ZNF804B: variants seen among roughly 807,000 people sequenced by gnomAD.
The protein encoded by ZNF804B is zinc finger 804B.
ZNF804B carries 80 observed loss-of-function variants against 101.4 expected under a neutral mutation model. The ratio of observed to expected loss-of-function variants is 0.79; its 90% CI spans 0.66 to 0.95. The LOEUF is 0.95. Ranked by LOEUF, ZNF804B falls within the 40% of genes least tolerant of loss-of-function variation. The pLI, the probability that ZNF804B is intolerant of heterozygous loss-of-function variation, is 0.00. For synonymous variants in ZNF804B, 622 were observed against 558.8 expected (o/e 1.11, Z -1.59); for missense variants, 1,673 against 1,561.9 (o/e 1.07, Z -1.20).
At chr7:89,257,501 A>G (rs1409236335) in intron 2 of ZNF804B, among the ~76,000 whole-genome samples, 1 of 152,160 alleles carries the variant, frequency 6.6e-6, no homozygotes, top group African/African-American at 2.4e-5. Context: ...TAATGTTTAC[A>G]TGAAATTATG....
At chr7:88,984,793 T>A (rs1205001241) in intron 1 of ZNF804B, among the ~76,000 whole-genome samples, 1 of 152,072 alleles carries the variant, frequency 6.6e-6, no homozygotes, top group East Asian at 1.9e-4. Context: ...ATTAAATCAC[T>A]TAGAAAACCA....
chr7:89,171,367 CCTCT>C (rs1465227190), intron 1 of ZNF804B, among the ~76,000 whole-genome samples: 4 of 119,590 alleles, frequency 3.3e-5, no homozygotes, highest in African/African-American at 9.8e-5. Context: ...TCCTCCTCTT[CCTCT>C]TCTTCCTCTT....
intron 1 of ZNF804B, among the ~76,000 whole-genome samples, chr7:88,909,523 T>G (rs2115971419): frequency 6.6e-6 from 1 of 151,896 alleles, no homozygotes; most frequent in Non-Finnish European, 1.5e-5. Context: ...CAGAGCAGAC[T>G]TCATTTTATT....
chr7:89,213,564 G>T (rs1788838093), intron 1 of ZNF804B, among the ~76,000 whole-genome samples: 1 of 152,134 alleles, frequency 6.6e-6, no homozygotes, highest in South Asian at 2.1e-4. Context: ...TCAGCTTCAA[G>T]AGCATTATGC....
intron 1 of ZNF804B, among the ~76,000 whole-genome samples, chr7:88,774,816 T>C (rs1790118995): frequency 1.3e-5 from 2 of 152,146 alleles, no homozygotes; most frequent in Admixed American, 1.3e-4. Context: ...AGGAAGCTCC[T>C]AATAGAAAAA....
intron 1 of ZNF804B, among the ~76,000 whole-genome samples, chr7:89,014,150 A>T (rs1267177740): frequency 6.6e-6 from 1 of 152,146 alleles, no homozygotes; most frequent in African/African-American, 2.4e-5. Context: ...TAGTGGCTAT[A>T]ATAGTTTACA....
At chr7:89,099,655 T>G (rs1018343554) in intron 1 of ZNF804B, among the ~76,000 whole-genome samples, 3 of 152,174 alleles carry the variant, frequency 2.0e-5, no homozygotes, top group Non-Finnish European at 4.4e-5. Flanking sequence ...TTTGGGGGTT[T>G]TTAGAGCTCT....
At chr7:89,250,780 G>A (rs1316661103) in intron 2 of ZNF804B, among the ~76,000 whole-genome samples, 3 of 152,128 alleles carry the variant, frequency 2.0e-5, no homozygotes, top group East Asian at 3.8e-4. Context: ...TTCACTGCTG[G>A]TTCAACATAT....
chr7:88,760,945 T>C (rs1013344084), intron 1 of ZNF804B, among the ~76,000 whole-genome samples: 1 of 147,504 alleles, frequency 6.8e-6, no homozygotes, highest in Non-Finnish European at 1.5e-5. Flanking sequence ...TATATATATA[T>C]TAGTTTTGGA....
At chr7:88,779,397 C>T (rs540181244) in intron 1 of ZNF804B, among the ~76,000 whole-genome samples, 1 of 152,174 alleles carries the variant, frequency 6.6e-6, no homozygotes, top group Non-Finnish European at 1.5e-5. Flanking sequence ...TCATGGCTGG[C>T]TCACTGTCTG....
intron 1 of ZNF804B, among the ~76,000 whole-genome samples, chr7:89,110,860 A>AT (rs911296837): frequency 8.6e-5 from 13 of 151,812 alleles, no homozygotes; most frequent in South Asian, 2.1e-4. Flanking sequence ...AATATCTACT[A>AT]TTTTTTTTCA....
intron 1 of ZNF804B, among the ~76,000 whole-genome samples, chr7:88,955,731 A>C (rs1793295526): frequency 6.6e-6 from 1 of 151,640 alleles, no homozygotes; most frequent in African/African-American, 2.4e-5. Flanking sequence ...CAGACAGCAT[A>C]AACAAAAATA....
At chr7:89,054,466 A>G (rs976916317) in intron 1 of ZNF804B, among the ~76,000 whole-genome samples, 6 of 151,874 alleles carry the variant, frequency 4.0e-5, no homozygotes, top group Non-Finnish European at 4.4e-5. Flanking sequence ...GAATGATGGC[A>G]CAATACATTT....
intron 1 of ZNF804B, among the ~76,000 whole-genome samples, chr7:89,143,309 C>A (rs2116395703): frequency 6.6e-6 from 1 of 151,740 alleles, no homozygotes; most frequent in South Asian, 2.1e-4. Flanking sequence ...ACATGTTGGA[C>A]ACAGATTTTA....
chr7:89,216,859 G>GATAAAATCC (rs1001233599), intron 1 of ZNF804B, among the ~76,000 whole-genome samples: 3 of 152,158 alleles, frequency 2.0e-5, no homozygotes, highest in Admixed American at 6.5e-5. Flanking sequence ...GAGAAACAAA[G>GATAAAATCC]ATAAAATCCA....
chr7:89,148,599 TAAAG>T lies in ZNF804B; in HGVS notation c.109-69555_109-69552del, dbSNP rs1001088261. Among the ~76,000 whole-genome samples the T allele has an allele frequency of 5.9e-5, 9 of 152,016 alleles. No individual in the cohort carries two copies. In the South Asian group the frequency reaches 1.7e-3, roughly 28 times the overall value. On this transcript the variant is annotated intron_variant, in intron 1 of 3. Coordinates refer to ENST00000333190, the MANE Select transcript of ZNF804B (RefSeq NM_181646.5). ...TATTAATACAAGTAGTTGAACAAAA[TAAAG>T]CTAATTTGAAAATTAAATCAATATT...
chr7:88,760,722 T>G (rs1246230298), intron 1 of ZNF804B, among the ~76,000 whole-genome samples: 2 of 151,712 alleles, frequency 1.3e-5, no homozygotes, highest in East Asian at 3.9e-4. Flanking sequence ...CTATTCAATT[T>G]AGTTACTATT....
chr7:89,281,304 G>C (rs1476242653), intron 2 of ZNF804B, among the ~76,000 whole-genome samples: 4 of 152,172 alleles, frequency 2.6e-5, no homozygotes, highest in Non-Finnish European at 5.9e-5. Context: ...TTTTATGAGA[G>C]AGTCTTACAA....
chr7:88,844,806 T>C (rs1331415250), intron 1 of ZNF804B, among the ~76,000 whole-genome samples: 1 of 152,204 alleles, frequency 6.6e-6, no homozygotes, highest in Admixed American at 6.5e-5. Context: ...ACCATATTCT[T>C]ATATTTCCCC....
Sources: gnomAD v4.1 joint callset for allele counts (sites outside exome capture counted in the v4.1 genomes callset) on GRCh38, gnomAD v4.1.1 for gene constraint, MANE v1.5 for transcripts, NCBI Gene and HGNC (gene_info 2026-07-23, HGNC 2026-07-21) for gene names.